Variants in SLC4A8 observed in about 807,000 individuals in gnomAD.
SLC4A8 encodes electroneutral sodium bicarbonate exchanger 1.
A neutral mutation model predicts 125.0 loss-of-function variants in SLC4A8; 40 were observed. The observed-to-expected ratio is 0.32, with a 90% CI of 0.25 to 0.42. The LOEUF (loss-of-function observed/expected upper bound fraction) is 0.42. Among genes scored for constraint, SLC4A8 ranks in the 10% least tolerant of loss-of-function variants. The pLI is 1.00. For synonymous variants in SLC4A8, 456 were observed against 476.0 expected (o/e 0.96, Z 0.55); for missense variants, 863 against 1,355.1 (o/e 0.64, Z 5.70).
At chr12:51,502,416 T>A (rs987785077) in intron 22 of SLC4A8, 2 of 152,218 alleles carry the variant, frequency 1.3e-5, no homozygotes, top group Non-Finnish European at 2.9e-5. Flanking sequence ...TTTGTATTTT[T>A]AGTAGAGACA....
At chr12:51,416,596 T>G (rs1444372362) in intron 1 of SLC4A8, among the ~76,000 whole-genome samples, 1 of 152,100 alleles carries the variant, frequency 6.6e-6, no homozygotes, top group Non-Finnish European at 1.5e-5. Flanking sequence ...TGAGCCAAAA[T>G]AGTGCCGCTG....
In SLC4A8 at chr12:51,489,801, C is replaced by G. The variant is rs747635663; in HGVS notation, c.2550C>G (p.Ser850=). ...GGTTTGTAGCTGCAACTGTCTTGTC[C>G]ATCACACATGTGAACAGCCTCAAGC... ...LPWFVAATVL[S]ITHVNSLKLE... is the part of the protein sequence containing the mutation. Residue 850 remains serine (S), a synonymous_variant, in exon 19 of 25, where the codon TCC becomes TCG. Coordinates refer to ENST00000453097, the MANE Select transcript of SLC4A8 (RefSeq NM_001039960.3). 2 of 1,614,108 alleles carry G rather than the reference C, an allele frequency of 1.2e-6. No homozygotes were observed. Among genetic ancestry groups the G allele is most frequent in the African/African-American group, 2.7e-5 (2 of 74,924 alleles).
chr12:51,490,994 G>T (rs954091079), intron 19 of SLC4A8, among the ~76,000 whole-genome samples: 8 of 152,160 alleles, frequency 5.3e-5, no homozygotes, highest in Non-Finnish European at 1.2e-4. Flanking sequence ...GTATAGCTTG[G>T]AGGCAGACCC....
intron 9 of SLC4A8, chr12:51,461,661 T>C (rs1391598485): frequency 2.8e-5 from 6 of 218,018 alleles, no homozygotes; most frequent in Non-Finnish European, 5.6e-5. Context: ...TTCCACTAAA[T>C]GAGACCAGTT....
Position 51,497,039 on chromosome 12 carries a change from G to A in SLC4A8, c.2996G>A (p.Arg999Gln). The change falls in exon 22 of 25, where the codon CGA becomes CAA. Residue 999 changes from arginine to glutamine, a missense_variant. Arg to Gln is a conservative substitution (Grantham distance 43, BLOSUM62 1). Coordinates refer to ENST00000453097, the MANE Select transcript of SLC4A8 (RefSeq NM_001039960.3). ...GTCATGGATCTCTGTTTCTCTAAGC[G>A]AGAGCTGAGCTGGCTAGATGATCTC... ...RKVMDLCFSK[R>Q]ELSWLDDLMP... The A allele has an allele frequency of 1.2e-6, 2 of 1,613,870 alleles. No individual in the cohort carries two copies. Among genetic ancestry groups the A allele is most frequent in the Non-Finnish European group, 1.7e-6 (2 of 1,179,956 alleles).
At chr12:51,415,151 TG>T (rs1948660916) in intron 1 of SLC4A8, among the ~76,000 whole-genome samples, 1 of 152,032 alleles carries the variant, frequency 6.6e-6, no homozygotes. Context: ...ATTAGGTTGG[TG>T]CAAAAGTAAT....
chr12:51,425,842 C>T (rs1320102586), intron 1 of SLC4A8, among the ~76,000 whole-genome samples: 6 of 152,208 alleles, frequency 3.9e-5, no homozygotes, highest in Admixed American at 1.3e-4. Context: ...GTTATGTCTG[C>T]TTTGCATGCT....
Position 51,484,438 on chromosome 12 carries a change from G to A in SLC4A8, c.2173-1349G>A, listed in dbSNP as rs145761779. Among the ~76,000 whole-genome samples the A allele has an allele frequency of 3.9e-3, 590 of 152,310 alleles. 7 individuals carry two copies. The highest frequency in any genetic ancestry group is 0.018 in the South Asian group (85 of 4,832). On this transcript the variant is annotated intron_variant, in intron 16 of 24. Transcript: ENST00000453097. Reference sequence around the variant, plus strand: ...GGATGTCCCCTGGGATGTACGTGCCGTAGGAGTTCAGAGGAGAAAAGGGCC... The same window carrying A: ...GGATGTCCCCTGGGATGTACGTGCCATAGGAGTTCAGAGGAGAAAAGGGCC...
At chr12:51,435,170 G>C (rs1379705902) in intron 1 of SLC4A8, among the ~76,000 whole-genome samples, 4 of 152,196 alleles carry the variant, frequency 2.6e-5, no homozygotes, top group Non-Finnish European at 5.9e-5. Context: ...CTCATGGGTG[G>C]TGATATGGTC....
chr12:51,508,300 A>G lies in SLC4A8; in HGVS notation c.*862A>G, dbSNP rs1044861846. 3 of 152,516 alleles carry G rather than the reference A, an allele frequency of 2.0e-5. No individual in the cohort carries two copies. The highest frequency in any genetic ancestry group is 2.0e-4 in the Admixed American group (3 of 15,290). The allele number at this position is 152,516 out of a possible 1,614,324, so 9.4% of individuals were successfully genotyped here. A position where few individuals can be genotyped will look rare whatever the true frequency, so the allele number is the denominator to read the frequency against. ...GTTTAGATACCAGGAAGAACTTCCT[A>G]GCCTGAAGATTTGTCATAGTGTCTG... On this transcript the variant is annotated 3_prime_UTR_variant, in exon 25 of 25. Transcript: ENST00000453097.
Position 51,509,838 on chromosome 12 carries a change from A to C in SLC4A8, c.*2400A>C, listed in dbSNP as rs1256777631. ...GAATGTTAGCTACTTTTTAAAAAAA[A>C]TATGATTTGGTGCGTTGTTGGGGTG... On this transcript the variant is annotated 3_prime_UTR_variant, in exon 25 of 25. Transcript: ENST00000453097. The C allele has an allele frequency of 6.6e-6, 1 of 152,274 alleles. No homozygotes were observed. Among genetic ancestry groups the C allele is most frequent in the Non-Finnish European group, 1.5e-5 (1 of 68,062 alleles). 9.4% of individuals were successfully genotyped at this position (152,274 alleles called of 1,614,324 possible).
chr12:51,439,511 A>T (rs894913230), intron 1 of SLC4A8, among the ~76,000 whole-genome samples: 2 of 152,012 alleles, frequency 1.3e-5, no homozygotes, highest in African/African-American at 4.8e-5. Flanking sequence ...TTTGATCATC[A>T]TCAAAGGTGG....
At chr12:51,457,818 T>C (rs2138222422) in intron 6 of SLC4A8, among the ~76,000 whole-genome samples, 1 of 152,248 alleles carries the variant, frequency 6.6e-6, no homozygotes, top group South Asian at 2.1e-4. Flanking sequence ...ATAGCCACAT[T>C]GGGGACAATT....
intron 11 of SLC4A8, among the ~76,000 whole-genome samples, chr12:51,464,888 C>G (rs1950465066): frequency 6.6e-6 from 1 of 152,136 alleles, no homozygotes. Flanking sequence ...TGGCACTTGA[C>G]TAGCAGTGTC....
chr12:51,479,650 TCCAG>T (rs1469847644), intron 16 of SLC4A8, among the ~76,000 whole-genome samples: 1 of 142,478 alleles, frequency 7.0e-6, no homozygotes, highest in Non-Finnish European at 1.5e-5. Context: ...GCCACTGCAT[TCCAG>T]CCTGGGCGAC....
intron 1 of SLC4A8, among the ~76,000 whole-genome samples, chr12:51,438,308 T>C (rs1220777091): frequency 6.6e-6 from 1 of 152,150 alleles, no homozygotes; most frequent in Non-Finnish European, 1.5e-5. Flanking sequence ...GCCTCTAATA[T>C]TCTCTCTTAT....
intron 1 of SLC4A8, among the ~76,000 whole-genome samples, chr12:51,415,316 T>A (rs1948666622): frequency 6.6e-6 from 1 of 152,176 alleles, no homozygotes; most frequent in Non-Finnish European, 1.5e-5. Flanking sequence ...GAAGAACTGA[T>A]GTTAGTTCTT....
Position 51,488,694 on chromosome 12 carries a change from C to T in SLC4A8, c.2287-5C>T, listed in dbSNP as rs1565816222. 1.2e-6 allele frequency: 2 copies of T among 1,611,472 alleles called. No homozygotes were observed. The highest frequency in any genetic ancestry group is 1.7e-6 in the Non-Finnish European group (2 of 1,178,464). ...AATACAAAAATAATATATTTTCCCCCTTAGCCAACAAGGGATGATCGCGGA... is the reference window on the plus strand; with the variant it reads ...AATACAAAAATAATATATTTTCCCCTTTAGCCAACAAGGGATGATCGCGGA... On this transcript the variant is annotated splice_polypyrimidine_tract_variant and splice_region_variant and intron_variant, in intron 17 of 24. Transcript: ENST00000453097.
intron 11 of SLC4A8, among the ~76,000 whole-genome samples, chr12:51,468,791 AT>A (rs1012217083): frequency 1.3e-5 from 2 of 152,134 alleles, no homozygotes; most frequent in Admixed American, 6.5e-5. Context: ...GAATAAAACC[AT>A]TTTTTAAGGC....
Sources: allele counts gnomAD v4.1 joint callset (sites outside exome capture counted in the v4.1 genomes callset), GRCh38; gene constraint gnomAD v4.1.1; transcripts MANE v1.5; gene names NCBI Gene and HGNC (gene_info 2026-07-23, HGNC 2026-07-21).